The following GFOD1 variants were observed in gnomAD, a reference collection of about 807,000 sequenced individuals.
The protein encoded by GFOD1 is Gfo/Idh/MocA-like oxidoreductase domain containing 1, also known as glucose-fructose oxidoreductase domain-containing protein 1.
A neutral mutation model predicts 25.4 loss-of-function variants in GFOD1; 9 were observed. The ratio of observed to expected loss-of-function variants is 0.35; its 90% confidence interval spans 0.21 to 0.62. GFOD1 has a LOEUF of 0.62. Among genes scored for constraint, GFOD1 ranks in the 20% least tolerant of loss-of-function variants. GFOD1 has a pLI of 0.72. For missense variants in GFOD1, 403 were observed against 556.9 expected, an observed-to-expected ratio of 0.72 and a Z score of 2.78; for synonymous variants, 253 against 245.6, an observed-to-expected ratio of 1.03 and a Z score of -0.28.
In GFOD1 at chr6:13,365,254, C is replaced by G; in HGVS notation, c.662G>C (p.Cys221Ser). 1 of 1,614,222 alleles carries G rather than the reference C, an allele frequency of 6.2e-7. No homozygotes were observed. Among genetic ancestry groups the G allele is most frequent in the East Asian group, 2.2e-5 (1 of 44,890 alleles). ...GCCCTCCAGCACCATCTGGAAGGTG[C>G]AGAAGTCATCGCTGGTGATCTGTCG... ...GIRQITSDDFCTFQMVLEGGV... is the reference protein window; with the variant it reads ...GIRQITSDDFSTFQMVLEGGV... Residue 221 changes from cysteine to serine, a missense_variant, in exon 2 of 2, where the codon TGC becomes TCC. Transcript: ENST00000379287. This position sits in a 1 kb window ranked among gnomAD's most constrained non-coding sequence, Gnocchi z 9.2.
intron 1 of GFOD1, among the ~76,000 whole-genome samples, chr6:13,424,209 A>G (rs57091985): frequency 0.051 from 7,697 of 152,024 alleles, 651 homozygotes; most frequent in African/African-American, 0.17. Context: ...GAGAGTTACC[A>G]CTCCATTGCT....
At chr6:13,402,726 G>A (rs945939739) in intron 1 of GFOD1, among the ~76,000 whole-genome samples, 37 of 152,320 alleles carry the variant, frequency 2.4e-4, no homozygotes, top group African/African-American at 6.5e-4. Flanking sequence ...AACATTGCTC[G>A]TAAGAATGTA....
In GFOD1 at chr6:13,365,127, G is replaced by A. The variant is rs1014843297; in HGVS notation, c.789C>T (p.Thr263=). 8 of 1,612,912 alleles carry A rather than the reference G, an allele frequency of 5.0e-6. No homozygotes were observed. In the Admixed American group the frequency reaches 5.0e-5, roughly 10 times the overall value. The change falls in exon 2 of 2, where the codon ACC becomes ACT. Residue 263 remains threonine (T), a synonymous_variant. Transcript: ENST00000379287. The surrounding 1 kb of genome is among the most constrained non-coding windows in gnomAD (Gnocchi z 9.2). The part of the protein sequence containing the change: ...GSAGRLLAVG[T]DLYGQRNSAP... ...CGCTGTTGCGCTGCCCGTACAGGTC[G>A]GTGCCCACGGCCAGCAGGCGCCCGG...
chr6:13,462,172 C>T (rs888912114), intron 1 of GFOD1, among the ~76,000 whole-genome samples: 7 of 152,272 alleles, frequency 4.6e-5, no homozygotes, highest in Admixed American at 6.5e-5. Flanking sequence ...GCATTTATGT[C>T]GCGGGTGAGG....
intron 1 of GFOD1, among the ~76,000 whole-genome samples, chr6:13,439,778 G>A (rs918993047): frequency 2.0e-5 from 3 of 152,166 alleles, no homozygotes; most frequent in Non-Finnish European, 4.4e-5. Context: ...TTAAACAGTG[G>A]CTCTCAACAT....
chr6:13,381,445 A>C (rs563221751), intron 1 of GFOD1, among the ~76,000 whole-genome samples: 1 of 152,222 alleles, frequency 6.6e-6, no homozygotes, highest in Non-Finnish European at 1.5e-5. Flanking sequence ...ACAGGTAATA[A>C]AGGCTCCAGC....
intron 1 of GFOD1, among the ~76,000 whole-genome samples, chr6:13,378,557 C>T (rs765017518): frequency 6.6e-6 from 1 of 152,144 alleles, no homozygotes; most frequent in African/African-American, 2.4e-5. Context: ...AGATTATTAT[C>T]GAGAAAGAGA....
intron 1 of GFOD1, among the ~76,000 whole-genome samples, chr6:13,380,714 A>T (rs1785347132): frequency 1.3e-5 from 2 of 152,202 alleles, no homozygotes; most frequent in South Asian, 4.1e-4. Flanking sequence ...GCAAGGCTGT[A>T]GATTAAAACT....
intron 1 of GFOD1, among the ~76,000 whole-genome samples, chr6:13,440,795 A>G (rs536809905): frequency 2.0e-5 from 3 of 152,330 alleles, no homozygotes; most frequent in African/African-American, 7.2e-5. Context: ...AGCTCTTTAA[A>G]TACTTTAAAA....
intron 1 of GFOD1, among the ~76,000 whole-genome samples, chr6:13,374,710 A>G (rs1196636568): frequency 2.7e-5 from 4 of 146,472 alleles, no homozygotes; most frequent in Admixed American, 6.9e-5. Context: ...GGTAATTAGC[A>G]TATTCATCAT....
At chr6:13,386,193 CTTTA>C (rs1468767942) in intron 1 of GFOD1, among the ~76,000 whole-genome samples, 2 of 111,284 alleles carry the variant, frequency 1.8e-5, no homozygotes, top group African/African-American at 5.4e-5. Context: ...TCCCAAATTA[CTTTA>C]TTTTTTTTAA....
Position 13,487,464 on chromosome 6 carries a change from C to G in GFOD1, c.-574G>C, listed in dbSNP as rs1584681848. 6.6e-6 allele frequency: 1 copy of G among 152,116 alleles called. No homozygotes were observed. The highest frequency in any genetic ancestry group is 2.1e-4 in the South Asian group (1 of 4,834). The allele number at this position is 152,116 out of a possible 1,614,324, so 9.4% of individuals were successfully genotyped here. ...CAGGAGGCCGGCTAAGGATGCGGCC[C>G]GGAGCGCGCCGGACTGGGATCCCGA... On this transcript the variant is annotated 5_prime_UTR_variant, in exon 1 of 2. Transcript: ENST00000379287. This position sits in a 1 kb window ranked among gnomAD's most constrained non-coding sequence, Gnocchi z 4.9.
intron 1 of GFOD1, among the ~76,000 whole-genome samples, chr6:13,391,195 G>A (rs902478811): frequency 2.7e-4 from 41 of 152,304 alleles, no homozygotes; most frequent in Admixed American, 2.3e-3. Flanking sequence ...AAGGTAGAAG[G>A]TGAGAAATGG....
chr6:13,448,296 G>A (rs1445612493), intron 1 of GFOD1, among the ~76,000 whole-genome samples: 3 of 152,132 alleles, frequency 2.0e-5, no homozygotes, highest in Non-Finnish European at 4.4e-5. Context: ...TGTTTTGTAA[G>A]TGCCCATCAG....
intron 1 of GFOD1, among the ~76,000 whole-genome samples, chr6:13,468,108 G>A (rs370214562): frequency 2.8e-4 from 43 of 152,044 alleles, no homozygotes; most frequent in African/African-American, 8.7e-4. Context: ...GAAATTTAGA[G>A]AAGAAAAAAA....
rs896002277 is a variant in GFOD1 at position 13,364,703 on chromosome 6, C to A, written c.*40G>T. 1 of 1,534,722 alleles carries A rather than the reference C, an allele frequency of 6.5e-7. No homozygotes were observed. Among genetic ancestry groups the A allele is most frequent in the African/African-American group, 1.4e-5 (1 of 73,786 alleles). Reference sequence around the variant, plus strand: ...CGGCCCTTCCCTCTCTGTGGACATCCCCTGCAGAAGGCTCAAGTCCCCGAG... The same window carrying A: ...CGGCCCTTCCCTCTCTGTGGACATCACCTGCAGAAGGCTCAAGTCCCCGAG... On this transcript the variant is annotated 3_prime_UTR_variant, in exon 2 of 2. Transcript: ENST00000379287. This position sits in a 1 kb window ranked among gnomAD's most constrained non-coding sequence, Gnocchi z 4.1.
chr6:13,407,927 G>A (rs1020388025), intron 1 of GFOD1: 66 of 983,194 alleles, frequency 6.7e-5, no homozygotes, highest in Middle Eastern at 5.2e-4. Context: ...ACTGACTCTC[G>A]GAGATTGCCC....
At chr6:13,391,511 C>CAAA (rs57340590) in intron 1 of GFOD1, among the ~76,000 whole-genome samples, 1,813 of 108,080 alleles carry the variant, frequency 0.017, 6 homozygotes, top group African/African-American at 0.032. Context: ...AACAAACAAA[C>CAAA]AAAAAAAAAA....
chr6:13,390,955 C>T (rs557684705), intron 1 of GFOD1, among the ~76,000 whole-genome samples: 1 of 152,176 alleles, frequency 6.6e-6, no homozygotes, highest in Non-Finnish European at 1.5e-5. Flanking sequence ...TTTTAACCAG[C>T]TGCTGAAACC....
Sources: allele counts gnomAD v4.1 joint callset (sites outside exome capture counted in the v4.1 genomes callset), GRCh38; gene constraint gnomAD v4.1.1; non-coding constraint Gnocchi (gnomAD v3.1); transcripts MANE v1.5; gene names NCBI Gene and HGNC (gene_info 2026-07-23, HGNC 2026-07-21).